CELF4: variants seen among roughly 807,000 people sequenced by gnomAD.
CELF4 encodes CUGBP Elav-like family member 4.
Under a neutral mutation model 59.9 loss-of-function variants are expected in CELF4, and 18 were observed. That is an observed-to-expected ratio of 0.30 (90% CI 0.21 to 0.45). The LOEUF (loss-of-function observed/expected upper bound fraction) is 0.45. Among genes scored for constraint, CELF4 ranks in the 20% least tolerant of loss-of-function variants. The pLI is 1.00. For synonymous variants in CELF4, 261 were observed against 267.1 expected (o/e 0.98, Z 0.22); for missense variants, 456 against 689.0 (o/e 0.66, Z 3.79).
chr18:37,319,133 G>A (rs8088709), intron 3 of CELF4, among the ~76,000 whole-genome samples: 32,321 of 152,162 alleles, frequency 0.21, 3,482 homozygotes, highest in Non-Finnish European at 0.22. Context: ...TGGCCGGGCC[G>A]TGTGAACTGG....
chr18:37,441,491 C>A (rs576317513), intron 2 of CELF4, among the ~76,000 whole-genome samples: 96 of 152,138 alleles, frequency 6.3e-4, no homozygotes, highest in African/African-American at 2.3e-3. Flanking sequence ...GCTAATTGTT[C>A]GGATGGGAAG....
At chr18:37,422,579 G>A (rs1431030594) in intron 2 of CELF4, among the ~76,000 whole-genome samples, 1 of 152,204 alleles carries the variant, frequency 6.6e-6, no homozygotes, top group Non-Finnish European at 1.5e-5. Context: ...ACTGAGAGAT[G>A]GATGTGTGTG....
intron 1 of CELF4, among the ~76,000 whole-genome samples, chr18:37,488,090 C>T (rs987686466): frequency 6.6e-6 from 1 of 152,078 alleles, no homozygotes; most frequent in Non-Finnish European, 1.5e-5. Flanking sequence ...TTCCTCTTCC[C>T]AGAACGGCAC....
rs370644102 is a variant in CELF4 at position 37,253,853 on chromosome 18, C to T, written c.1419G>A (p.Lys473=). The T allele has an allele frequency of 4.4e-6, 7 of 1,608,642 alleles. No homozygotes were observed. Among genetic ancestry groups the T allele is most frequent in the South Asian group, 1.1e-5 (1 of 90,350 alleles). Residue 473 remains lysine, a synonymous_variant, in exon 12 of 13, where the codon AAG becomes AAA. Transcript: ENST00000420428. This position sits in a 1 kb window ranked among gnomAD's most constrained non-coding sequence, Gnocchi z 4.5. ...CGTCTTTGGGCCGCTTCAGCTGCACCTTGAGCCTCTTCATGCCGATCTGGA... is the reference window on the plus strand; with the variant it reads ...CGTCTTTGGGCCGCTTCAGCTGCACTTTGAGCCTCTTCATGCCGATCTGGA... ...NGFQIGMKRL[K]VQLKRPKDAN...
At chr18:37,537,743 C>T (rs2099974667) in intron 1 of CELF4, among the ~76,000 whole-genome samples, 1 of 152,222 alleles carries the variant, frequency 6.6e-6, no homozygotes, top group Non-Finnish European at 1.5e-5. Flanking sequence ...AGAAAATACA[C>T]TCATTTTATG....
intron 1 of CELF4, among the ~76,000 whole-genome samples, chr18:37,518,274 C>T (rs868826763): frequency 6.6e-6 from 1 of 152,094 alleles, no homozygotes; most frequent in Non-Finnish European, 1.5e-5. Context: ...GAGTTTCAGC[C>T]CTTATTGGAT....
chr18:37,339,956 G>A (rs1321924127), intron 2 of CELF4, among the ~76,000 whole-genome samples: 1 of 152,102 alleles, frequency 6.6e-6, no homozygotes, highest in Non-Finnish European at 1.5e-5. Context: ...TGTGTGTCCG[G>A]CTGTTTCCCC....
At chr18:37,287,941 T>A (rs2094960876) in intron 3 of CELF4, among the ~76,000 whole-genome samples, 2 of 152,194 alleles carry the variant, frequency 1.3e-5, no homozygotes, top group South Asian at 4.1e-4. Context: ...GTGGCCAGGA[T>A]GCTTCTGAGG....
At chr18:37,552,855 T>C (rs2099983658) in intron 1 of CELF4, among the ~76,000 whole-genome samples, 1 of 152,180 alleles carries the variant, frequency 6.6e-6, no homozygotes, top group African/African-American at 2.4e-5. Flanking sequence ...CTGCAGCTGG[T>C]GTGTGGCTGG....
chr18:37,527,410 T>G (rs2099965138), intron 1 of CELF4, among the ~76,000 whole-genome samples: 1 of 152,024 alleles, frequency 6.6e-6, no homozygotes, highest in South Asian at 2.1e-4. Context: ...CTCAGAAAAC[T>G]AAATTAATTA....
At chr18:37,330,899 G>T (rs1174081173) in intron 2 of CELF4, among the ~76,000 whole-genome samples, 1 of 152,166 alleles carries the variant, frequency 6.6e-6, no homozygotes, top group Non-Finnish European at 1.5e-5. Flanking sequence ...TGAAGTGGTG[G>T]CGATCATCAT....
intron 2 of CELF4, among the ~76,000 whole-genome samples, chr18:37,414,191 CATCTATCT>C (rs59869024): frequency 0.35 from 52,018 of 147,932 alleles, 9,247 homozygotes; most frequent in African/African-American, 0.37. Context: ...TCCATTCATT[CATCTATCT>C]ATCTATCTAT....
chr18:37,294,563 T>C (rs542594382), intron 3 of CELF4, among the ~76,000 whole-genome samples: 2 of 152,358 alleles, frequency 1.3e-5, no homozygotes, highest in South Asian at 4.1e-4. Context: ...TTCCCCCAAA[T>C]GCTCTCAAGC....
chr18:37,368,966 C>A (rs1204620761), intron 2 of CELF4, among the ~76,000 whole-genome samples: 1 of 152,192 alleles, frequency 6.6e-6, no homozygotes, highest in Non-Finnish European at 1.5e-5. Flanking sequence ...CACATGCGCA[C>A]TGCAAACCTC....
At chr18:37,351,274 T>C (rs938484128) in intron 2 of CELF4, among the ~76,000 whole-genome samples, 6 of 152,182 alleles carry the variant, frequency 3.9e-5, no homozygotes, top group African/African-American at 1.2e-4. Context: ...CAATTTATCT[T>C]GCATACCAGC....
At chr18:37,565,294 CCGGT>C (rs2099987895) in intron 1 of CELF4, 58 bp downstream of exon 1, 1 of 1,458,600 alleles carries the variant, frequency 6.9e-7, no homozygotes, top group African/African-American at 1.4e-5. Context: ...CGCCGGCCGG[CCGGT>C]CGGCCCGCCA....
At chr18:37,422,346 G>A (rs2099583479) in intron 2 of CELF4, among the ~76,000 whole-genome samples, 1 of 152,236 alleles carries the variant, frequency 6.6e-6, no homozygotes, top group Admixed American at 6.5e-5. Context: ...TTTCGGCCAT[G>A]TGGTCAGTGA....
chr18:37,426,152 A>G (rs72889336), intron 2 of CELF4, among the ~76,000 whole-genome samples: 17,416 of 152,270 alleles, frequency 0.11, 1,423 homozygotes, highest in South Asian at 0.18. Flanking sequence ...CCTGCCCCCA[A>G]GCACAGGTCC....
intron 1 of CELF4, among the ~76,000 whole-genome samples, chr18:37,562,608 T>C (rs1290560607): frequency 6.6e-6 from 1 of 152,196 alleles, no homozygotes; most frequent in African/African-American, 2.4e-5. Flanking sequence ...CAACACTCAT[T>C]CCTCAAGCCT....
Sources: allele counts gnomAD v4.1 joint callset (sites outside exome capture counted in the v4.1 genomes callset), GRCh38; gene constraint gnomAD v4.1.1; non-coding constraint Gnocchi (gnomAD v3.1); transcripts MANE v1.5; gene names NCBI Gene and HGNC (gene_info 2026-07-23, HGNC 2026-07-21).